Variants in LPGAT1 observed in about 807,000 individuals in gnomAD.
LPGAT1 encodes the protein lysophosphatidylglycerol acyltransferase 1.
A neutral mutation model predicts 47.5 loss-of-function variants in LPGAT1; 11 were observed. The observed-to-expected ratio is 0.23, with a 90% confidence interval of 0.15 to 0.38. LPGAT1 has a LOEUF of 0.38. Among genes scored for constraint, LPGAT1 ranks in the 10% least tolerant of loss-of-function variants. LPGAT1 has a pLI of 1.00. For synonymous variants in LPGAT1, 138 were observed against 144.2 expected (o/e 0.96, Z 0.31); for missense variants, 293 against 439.0 (o/e 0.67, Z 2.97).
chr1:211,767,451 G>GT (rs545752235), intron 6 of LPGAT1, among the ~76,000 whole-genome samples: 15 of 151,978 alleles, frequency 9.9e-5, no homozygotes, highest in Admixed American at 3.3e-4. Context: ...AGTTTTATTA[G>GT]TTTTTTTTGA....
chr1:211,795,842 T>C (rs1402692417), intron 2 of LPGAT1, among the ~76,000 whole-genome samples: 3 of 152,110 alleles, frequency 2.0e-5, no homozygotes, highest in Non-Finnish European at 2.9e-5. Flanking sequence ...GCATCAGGCA[T>C]GGTTAGGTGT....
rs1656894681 is a variant in LPGAT1 at position 211,745,180 on chromosome 1, C to T, written c.*4719G>A. On this transcript the variant is annotated 3_prime_UTR_variant, in exon 8 of 8. Coordinates refer to ENST00000366997, the MANE Select transcript of LPGAT1 (RefSeq NM_014873.3). ...CCTTTACAAAAATTAATTACAGTTG[C>T]CACAGCCTTTACATTCATTCTTATC... is the stretch of plus-strand genomic sequence containing the variant. The T allele has an allele frequency of 1.3e-5, 2 of 152,568 alleles. No individual in the cohort carries two copies. The highest frequency in any genetic ancestry group is 1.3e-4 in the Admixed American group (2 of 15,272). 9.5% of individuals were successfully genotyped at this position (152,568 alleles called of 1,614,324 possible). A position where few individuals can be genotyped will look rare whatever the true frequency, so the allele number is the denominator to read the frequency against.
Position 211,778,968 on chromosome 1 carries a change from T to C in LPGAT1, c.804A>G (p.Gln268=), listed in dbSNP as rs141905021. ...GTTTCCTGTATCCAAGGATCCAGGT[T>C]TGAATATCTATAGGTTCAGCTTTGG... ...AYPKAEPIDI[Q]TWILGYRKPT... Residue 268 remains glutamine, a synonymous_variant, in exon 6 of 8, where the codon CAA becomes CAG. Transcript: ENST00000366997. 45 of 1,610,026 alleles carry C rather than the reference T, an allele frequency of 2.8e-5. No homozygotes were observed. The African/African-American group carries it at 5.9e-4, about 21-fold the overall frequency.
chr1:211,794,941 C>T (rs962338826), intron 2 of LPGAT1, among the ~76,000 whole-genome samples: 3 of 152,066 alleles, frequency 2.0e-5, no homozygotes, highest in Non-Finnish European at 4.4e-5. Flanking sequence ...GACATGTACA[C>T]AAGGCTACTC....
chr1:211,829,313 G>A lies in LPGAT1; in HGVS notation c.-17C>T, dbSNP rs745591291. On this transcript the variant is annotated 5_prime_UTR_variant, in exon 2 of 8. The change creates a new upstream start codon in the 5' untranslated region. Coordinates refer to ENST00000366997, the MANE Select transcript of LPGAT1 (RefSeq NM_014873.3). ...TATAGCCATTCTCACACTGGACTCCGTCCTGTCTTTCTGGGGTGAAAGAAA... is the reference window on the plus strand; with the variant it reads ...TATAGCCATTCTCACACTGGACTCCATCCTGTCTTTCTGGGGTGAAAGAAA... 4 of 1,613,178 alleles carry A rather than the reference G, an allele frequency of 2.5e-6. No homozygotes were observed. In the South Asian group the frequency reaches 3.3e-5, roughly 13 times the overall value.
intron 7 of LPGAT1, among the ~76,000 whole-genome samples, chr1:211,750,391 T>A (rs1400944431): frequency 6.6e-6 from 1 of 152,232 alleles, no homozygotes; most frequent in Non-Finnish European, 1.5e-5. Context: ...ATCCCAATTA[T>A]CTTTCTTTCT....
Position 211,802,071 on chromosome 1 carries a change from G to C in LPGAT1, c.239-8881C>G, listed in dbSNP as rs375841178. 3.8e-4 allele frequency among the ~76,000 whole-genome samples: 52 copies of C among 138,508 alleles called. No individual in the cohort carries two copies. The East Asian group carries it at 9.1e-3, about 24-fold the overall frequency. The allele number at this position is 138,508 out of a possible 152,430, so 90.9% of individuals were successfully genotyped here. A position where few individuals can be genotyped will look rare whatever the true frequency, so the allele number is the denominator to read the frequency against. On this transcript the variant is annotated intron_variant, in intron 2 of 7. Transcript: ENST00000366997. ...CCACTGTATTACAGCCTGGGTAACAGAGTGAGACTCTGTCTCAAAAAAAAA... is the reference window on the plus strand; with the variant it reads ...CCACTGTATTACAGCCTGGGTAACACAGTGAGACTCTGTCTCAAAAAAAAA...
chr1:211,743,551 G>C lies in LPGAT1; in HGVS notation c.*6348C>G, dbSNP rs1323482370. ...CAGCTGACTTCTTAGAGCCAAAAGA[G>C]AATTTTTTTCCTTTTAAAAATACAT... is the stretch of plus-strand genomic sequence containing the variant. On this transcript the variant is annotated 3_prime_UTR_variant, in exon 8 of 8. Coordinates refer to ENST00000366997, the MANE Select transcript of LPGAT1 (RefSeq NM_014873.3). The C allele has an allele frequency of 1.3e-4, 1 of 7,438 alleles. No homozygotes were observed. The highest frequency in any genetic ancestry group is 2.0e-4 in the Non-Finnish European group (1 of 5,008). 0.5% of individuals were successfully genotyped at this position (7,438 alleles called of 1,614,324 possible).
intron 6 of LPGAT1, among the ~76,000 whole-genome samples, chr1:211,776,762 A>C (rs1658418953): frequency 6.6e-6 from 1 of 151,822 alleles, no homozygotes; most frequent in South Asian, 2.1e-4. Context: ...AAAAAAAAAA[A>C]CCTTCATGAA....
At chr1:211,829,919 G>A (rs558926479) in intron 1 of LPGAT1, 22 of 985,266 alleles carry the variant, frequency 2.2e-5, no homozygotes, top group Middle Eastern at 5.2e-4. Flanking sequence ...AGCTTACAAG[G>A]TGAGAGGAAG....
At chr1:211,777,367 C>T (rs932410581) in intron 6 of LPGAT1, among the ~76,000 whole-genome samples, 1 of 152,138 alleles carries the variant, frequency 6.6e-6, no homozygotes, top group Non-Finnish European at 1.5e-5. Flanking sequence ...TGATTAAACC[C>T]TGGGAAGAAA....
intron 2 of LPGAT1, among the ~76,000 whole-genome samples, chr1:211,796,855 T>C (rs143887821): frequency 6.8e-4 from 104 of 152,340 alleles, no homozygotes; most frequent in African/African-American, 2.4e-3. Context: ...AGTATAATTA[T>C]TAAGAGTTAA....
rs749758277 is a variant in LPGAT1, at chr1:211,749,764, G to A, written c.*135C>T. ...TAGATTTTAAAATATCCCAAAGGGG[G>A]ATAAATATTAATCCATCCATTGAAT... On this transcript the variant is annotated 3_prime_UTR_variant, in exon 8 of 8. Transcript: ENST00000366997. 3.5e-6 allele frequency: 3 copies of A among 860,654 alleles called. No individual in the cohort carries two copies. Among genetic ancestry groups the A allele is most frequent in the Admixed American group, 2.4e-5 (1 of 42,098 alleles). 53.3% of individuals were successfully genotyped at this position (860,654 alleles called of 1,614,324 possible).
chr1:211,790,040 T>A (rs890148012), intron 3 of LPGAT1, among the ~76,000 whole-genome samples: 1 of 152,222 alleles, frequency 6.6e-6, no homozygotes, highest in Admixed American at 6.5e-5. Context: ...AATCAATCTA[T>A]ATCAATTATT....
intron 2 of LPGAT1, among the ~76,000 whole-genome samples, chr1:211,818,936 T>G (rs1159028226): frequency 6.6e-6 from 1 of 152,238 alleles, no homozygotes; most frequent in Non-Finnish European, 1.5e-5. Flanking sequence ...GAGCCTACTT[T>G]ATGCTTTTCA....
chr1:211,788,225 T>C (rs947524620), intron 3 of LPGAT1, among the ~76,000 whole-genome samples: 1 of 152,210 alleles, frequency 6.6e-6, no homozygotes, highest in Non-Finnish European at 1.5e-5. Context: ...GATTTACATA[T>C]TCTATTATGA....
intron 5 of LPGAT1, among the ~76,000 whole-genome samples, chr1:211,782,111 G>A (rs1658665125): frequency 6.6e-6 from 1 of 152,144 alleles, no homozygotes; most frequent in Non-Finnish European, 1.5e-5. Flanking sequence ...GTTTTCATAA[G>A]AGTTGTATGT....
At chr1:211,786,223 T>C (rs1558268124) in intron 4 of LPGAT1, among the ~76,000 whole-genome samples, 2 of 152,236 alleles carry the variant, frequency 1.3e-5, no homozygotes, top group Non-Finnish European at 2.9e-5. Flanking sequence ...AATGAAATGA[T>C]ATAATGTCCA....
rs574259014 is a variant in LPGAT1, at chr1:211,829,244, G to A, written c.53C>T (p.Ala18Val). 1 of 1,614,176 alleles carries A rather than the reference G, an allele frequency of 6.2e-7. No individual in the cohort carries two copies. The highest frequency in any genetic ancestry group is 2.2e-5 in the East Asian group (1 of 44,884). The change falls in exon 2 of 8, where the codon GCA becomes GTA. Residue 18 changes from alanine to valine, a missense_variant. Ala to Val is a moderately conservative substitution (Grantham distance 64). Transcript: ENST00000366997. ...APWLGWLLVK[A>V]LMRFAFMVVN... is the part of the protein sequence containing the mutation. ...GACCATGAAGGCAAACCTCATCAGTGCTTTCACCAAGAGCCAGCCCAGCCA... is the reference window on the plus strand; with the variant it reads ...GACCATGAAGGCAAACCTCATCAGTACTTTCACCAAGAGCCAGCCCAGCCA...
Sources: gnomAD v4.1 joint callset for allele counts (sites outside exome capture counted in the v4.1 genomes callset) on GRCh38, gnomAD v4.1.1 for gene constraint, MANE v1.5 for transcripts, NCBI Gene and HGNC (gene_info 2026-07-23, HGNC 2026-07-21) for gene names.